HNRNPH1: variants seen among roughly 807,000 people sequenced by gnomAD.
HNRNPH1 encodes heterogeneous nuclear ribonucleoprotein H.
Under a neutral mutation model 58.6 loss-of-function variants are expected in HNRNPH1, and 4 were observed. The observed-to-expected ratio is 0.07, with a 90% CI of 0.03 to 0.16. The LOEUF is 0.16. Ranked by LOEUF, HNRNPH1 falls within the 10% of genes least tolerant of loss-of-function variation. The probability of loss-of-function intolerance (pLI) is 1.00; values close to 1 mark genes in which losing one functional copy is unlikely to be tolerated. For missense variants in HNRNPH1, 271 were observed against 564.2 expected (o/e 0.48, Z 5.26); for synonymous variants, 192 against 189.2 (o/e 1.01, Z -0.12).
upstream of HNRNPH1, among the ~76,000 whole-genome samples, chr5:179,624,959 G>A (rs1774220936): frequency 6.6e-6 from 1 of 152,146 alleles, no homozygotes; most frequent in Non-Finnish European, 1.5e-5. Flanking sequence ...AGCTAAGCAG[G>A]GCCTGATCTT....
chr5:179,626,930 G>A (rs1180354420), upstream of HNRNPH1, among the ~76,000 whole-genome samples: 10 of 151,502 alleles, frequency 6.6e-5, 1 homozygote, highest in African/African-American at 1.5e-4. Context: ...ACAGGCGCCC[G>A]CCACCACGCC....
At chr5:179,614,834 C>T (rs1484442281) in exon 13 of HNRNPH1, 15 of 1,245,318 alleles carry the variant, frequency 1.2e-5, no homozygotes, top group Admixed American at 4.0e-5. Context: ...TGATCAGGAT[C>T]GATCAATTAC....
At chr5:179,633,290 C>CTGTT (rs71001019) in intron 2 of HNRNPH1, among the ~76,000 whole-genome samples, 31,030 of 149,102 alleles carry the variant, frequency 0.21, 3,381 homozygotes, top group Middle Eastern at 0.27. Flanking sequence ...CACGCCCGGC[C>CTGTT]TGTTTGTTTG....
chr5:179,619,917 GCA>G (rs1771500164), intron 3 of HNRNPH1: 1 of 152,252 alleles, frequency 6.6e-6, no homozygotes, highest in Non-Finnish European at 1.5e-5. Context: ...GATCTACACA[GCA>G]CAATCATGCA....
chr5:179,616,546 G>A (rs562638307), intron 10 of HNRNPH1: 95 of 512,016 alleles, frequency 1.9e-4, no homozygotes, highest in African/African-American at 5.2e-4. Context: ...TACATCAAAG[G>A]CATGTCAATA....
intron 11 of HNRNPH1, 52 bp from the exon 13 acceptor site, chr5:179,615,647 T>TA (rs780921982): frequency 8.8e-6 from 8 of 914,234 alleles, no homozygotes; most frequent in Non-Finnish European, 1.2e-5. Context: ...CACCATTCTT[T>TA]AGACCAATTG....
intron 10 of HNRNPH1, chr5:179,616,443 G>A: frequency 3.6e-6 from 2 of 562,184 alleles, no homozygotes; most frequent in Non-Finnish European, 6.3e-6. Context: ...ACATCAGCAG[G>A]ACTAAAATCA....
chr5:179,619,130 A>G lies in HNRNPH1; in HGVS notation c.536+139T>C. On this transcript the variant is annotated intron_variant, in intron 4 of 12. Coordinates refer to ENST00000356731, the Ensembl canonical transcript of HNRNPH1. ...TTAGTTTGCGTGTAACGTGGGACTG[A>G]CACAAGTTTGGAAATCATGGCAAAA... is the stretch of plus-strand genomic sequence containing the variant. The G allele has an allele frequency of 4.0e-6, 3 of 754,256 alleles. 1 individual carries two copies. The South Asian group carries it at 7.3e-5, about 18-fold the overall frequency. 46.7% of individuals were successfully genotyped at this position (754,256 alleles called of 1,614,324 possible).
rs10903244 is a variant in HNRNPH1 at position 179,631,562 on chromosome 5, A to G, written c.-32+2503T>C. The stretch of plus-strand genomic sequence containing the variant: ...GGAGTTCAAGACCAGCCTGGCCAAC[A>G]TGGTGAAACCCCGCCTCTATTAAAA... On this transcript the variant is annotated intron_variant, in intron 2 of 4. Coordinates refer to the HNRNPH1 transcript ENST00000521116. 4.6e-3 allele frequency among the ~76,000 whole-genome samples: 701 copies of G among 152,242 alleles called. 7 individuals are homozygous for G. Among genetic ancestry groups the G allele is most frequent in the African/African-American group, 0.016 (663 of 41,550 alleles).
At chr5:179,621,092 C>A (rs1490402616) in intron 2 of HNRNPH1, 57 bp from the exon 4 acceptor site, 14 of 1,579,340 alleles carry the variant, frequency 8.9e-6, no homozygotes, top group East Asian at 2.2e-5. Flanking sequence ...AAAGTTCAGA[C>A]TTCCTGGGTC....
intron 2 of HNRNPH1, among the ~76,000 whole-genome samples, chr5:179,630,240 T>C (rs1050428280): frequency 6.6e-6 from 1 of 151,770 alleles, no homozygotes; most frequent in Non-Finnish European, 1.5e-5. Flanking sequence ...TCCCAGCTAC[T>C]TGGGAGGCTG....
chr5:179,620,155 A>T lies in HNRNPH1; in HGVS notation c.397+737T>A, dbSNP rs576795064. The stretch of plus-strand genomic sequence containing the variant: ...ATTCTGACATTAGGACTCGATACAT[A>T]TATCAATTTTTAACATACTACACTA... On this transcript the variant is annotated intron_variant, in intron 3 of 12. Transcript: ENST00000356731. 5.9e-5 allele frequency: 9 copies of T among 152,346 alleles called. No homozygotes were observed. The South Asian group carries it at 6.2e-4, about 11-fold the overall frequency. 9.4% of individuals were successfully genotyped at this position (152,346 alleles called of 1,614,324 possible). A position where few individuals can be genotyped will look rare whatever the true frequency, so the allele number is the denominator to read the frequency against.
chr5:179,616,279 CGGGCTTGT>C lies in HNRNPH1; in HGVS notation c.1208-69_1208-62del, dbSNP rs1769606528. 6.9e-6 allele frequency: 9 copies of C among 1,303,610 alleles called. No homozygotes were observed. In the South Asian group the frequency reaches 1.1e-4, roughly 15 times the overall value. 80.8% of individuals were successfully genotyped at this position (1,303,610 alleles called of 1,614,324 possible). On this transcript the variant is annotated intron_variant, in intron 10 of 12. Transcript: ENST00000356731. ...TATGTGATGTGGTACCTGGTGGTAC[CGGGCTTGT>C]AATTCTATAGCTATCATTTTCCAGT...
exon 1 of HNRNPH1, chr5:179,623,107 C>T: frequency 6.2e-7 from 1 of 1,608,668 alleles, no homozygotes; most frequent in South Asian, 1.1e-5. Flanking sequence ...CCACGAATCC[C>T]TCTCCACCTT....
chr5:179,628,962 C>T (rs1360525512), upstream of HNRNPH1, among the ~76,000 whole-genome samples: 1 of 151,944 alleles, frequency 6.6e-6, no homozygotes, highest in Non-Finnish European at 1.5e-5. Context: ...GCCTAGGTGA[C>T]AGAGCGAGAC....
intron 2 of HNRNPH1, among the ~76,000 whole-genome samples, chr5:179,632,479 C>T (rs1774924105): frequency 6.6e-6 from 1 of 152,234 alleles, no homozygotes; most frequent in Admixed American, 6.5e-5. Flanking sequence ...ACCGTCCTTC[C>T]GACGCCGAGT....
rs1164802790 is a variant in HNRNPH1, at chr5:179,617,662, G to T, written c.922-13C>A. ...GCGGTGAAAAAAACTACAACACAAG[G>T]CATTTCAAAGAATTCAACCAACTTT... On this transcript the variant is annotated splice_polypyrimidine_tract_variant and intron_variant, in intron 7 of 12. Transcript: ENST00000356731. 2 of 1,609,104 alleles carry T rather than the reference G, an allele frequency of 1.2e-6. No homozygotes were observed. Among genetic ancestry groups the T allele is most frequent in the Non-Finnish European group, 1.7e-6 (2 of 1,177,900 alleles).
At chr5:179,631,588 A>G (rs1400732857) in intron 2 of HNRNPH1, among the ~76,000 whole-genome samples, 1 of 152,166 alleles carries the variant, frequency 6.6e-6, no homozygotes, top group African/African-American at 2.4e-5. Context: ...TCTATTAAAA[A>G]TACAAAAAAT....
chr5:179,625,682 G>T (rs928614949), upstream of HNRNPH1, among the ~76,000 whole-genome samples: 1 of 150,136 alleles, frequency 6.7e-6, no homozygotes, highest in South Asian at 2.1e-4. Context: ...AAAAAGAATA[G>T]TAGTAAGGTA....
Sources: gnomAD v4.1 joint callset for allele counts (sites outside exome capture counted in the v4.1 genomes callset) on GRCh38, gnomAD v4.1.1 for gene constraint, MANE v1.5 for transcripts, NCBI Gene and HGNC (gene_info 2026-07-23, HGNC 2026-07-21) for gene names.